Variants in HCRTR2 observed in about 807,000 individuals in gnomAD.
HCRTR2 encodes the protein hypocretin receptor 2.
Under a neutral mutation model 49.0 loss-of-function variants are expected in HCRTR2, and 22 were observed. The ratio of observed to expected loss-of-function variants is 0.45; its 90% CI spans 0.32 to 0.64. The LOEUF (loss-of-function observed/expected upper bound fraction) is 0.64. Among genes scored for constraint, HCRTR2 ranks in the 30% least tolerant of loss-of-function variants. The pLI, the probability that HCRTR2 is intolerant of heterozygous loss-of-function variation, is 0.04. For synonymous variants in HCRTR2, 236 were observed against 205.3 expected, an observed-to-expected ratio of 1.15 and a Z score of -1.28; for missense variants, 491 against 559.4, an observed-to-expected ratio of 0.88 and a Z score of 1.23.
At chr6:55,267,767 T>C (rs1267217967) in intron 4 of HCRTR2, among the ~76,000 whole-genome samples, 1 of 152,092 alleles carries the variant, frequency 6.6e-6, no homozygotes, top group Non-Finnish European at 1.5e-5. Context: ...TTCAGCACTC[T>C]TCTAAGGGAA....
intron 1 of HCRTR2, among the ~76,000 whole-genome samples, chr6:55,157,813 A>G (rs895253361): frequency 6.6e-6 from 1 of 152,232 alleles, no homozygotes; most frequent in Non-Finnish European, 1.5e-5. Context: ...ATTAGTTTTC[A>G]GGTTTCCCCA....
chr6:55,193,420 G>T (rs151084374), intron 1 of HCRTR2, among the ~76,000 whole-genome samples: 7 of 152,244 alleles, frequency 4.6e-5, no homozygotes, highest in African/African-American at 1.7e-4. Flanking sequence ...CGACAGTGTT[G>T]CAGAGGCAGG....
chr6:55,188,943 G>T lies in HCRTR2; in HGVS notation c.223+14133G>T, dbSNP rs533601058. Among the ~76,000 whole-genome samples, 9 of 152,250 alleles carry T rather than the reference G, an allele frequency of 5.9e-5. 1 individual carries two copies. The South Asian group carries it at 1.7e-3, about 28-fold the overall frequency. ...AAGAATGAAAAATTCCACCTACATT[G>T]GTGAAGTACTAAGATTAAATGCATG... On this transcript the variant is annotated intron_variant, in intron 1 of 6. Transcript: ENST00000370862.
chr6:55,233,154 T>C (rs1446813170), intron 1 of HCRTR2, among the ~76,000 whole-genome samples: 1 of 151,530 alleles, frequency 6.6e-6, no homozygotes, highest in African/African-American at 2.4e-5. Flanking sequence ...AATGGTGCAA[T>C]CTCAGCTCAC....
At chr6:55,176,899 T>C (rs1317464499) in intron 1 of HCRTR2, among the ~76,000 whole-genome samples, 1 of 152,148 alleles carries the variant, frequency 6.6e-6, no homozygotes, top group Non-Finnish European at 1.5e-5. Flanking sequence ...GAAGCAGTAA[T>C]TTTTTTATGA....
chr6:55,201,086 C>T (rs1765505714), intron 1 of HCRTR2, among the ~76,000 whole-genome samples: 4 of 152,002 alleles, frequency 2.6e-5, no homozygotes, highest in Admixed American at 2.6e-4. Context: ...TTAAGGTAGA[C>T]CTGTTTGGTA....
chr6:55,203,995 G>A (rs1231552890), intron 1 of HCRTR2, among the ~76,000 whole-genome samples: 1 of 152,038 alleles, frequency 6.6e-6, no homozygotes, highest in African/African-American at 2.4e-5. Context: ...TTGTCTCTAA[G>A]GGTGTATATC....
At chr6:55,168,356 T>G (rs959008384) in intron 1 of HCRTR2, among the ~76,000 whole-genome samples, 2 of 152,160 alleles carry the variant, frequency 1.3e-5, no homozygotes, top group Non-Finnish European at 2.9e-5. Flanking sequence ...TGTTAAGAAT[T>G]AAAACTATCA....
intron 1 of HCRTR2, among the ~76,000 whole-genome samples, chr6:55,217,955 G>C (rs1204776179): frequency 6.6e-6 from 1 of 152,198 alleles, no homozygotes; most frequent in African/African-American, 2.4e-5. Flanking sequence ...AAGGGGATTT[G>C]TTAGGGAAAT....
chr6:55,187,411 C>CAAAAAAAAAAA (rs57619664), intron 1 of HCRTR2, among the ~76,000 whole-genome samples: 4 of 98,426 alleles, frequency 4.1e-5, no homozygotes, highest in Non-Finnish European at 8.1e-5. Context: ...GACTCCGTCT[C>CAAAAAAAAAAA]AAAAAAAAAA....
intron 1 of HCRTR2, among the ~76,000 whole-genome samples, chr6:55,114,705 TA>T (rs1383460323): frequency 6.6e-6 from 1 of 151,824 alleles, no homozygotes; most frequent in African/African-American, 2.4e-5. Context: ...ATGATGAGTA[TA>T]AAGTGCTGAT....
At chr6:55,229,362 T>C (rs185626757) in intron 1 of HCRTR2, among the ~76,000 whole-genome samples, 2 of 152,272 alleles carry the variant, frequency 1.3e-5, no homozygotes, top group African/African-American at 4.8e-5. Context: ...AAATCAAAAA[T>C]AGAATCACCA....
At chr6:55,210,170 T>C (rs1765672436) in intron 1 of HCRTR2, among the ~76,000 whole-genome samples, 1 of 152,190 alleles carries the variant, frequency 6.6e-6, no homozygotes, top group Non-Finnish European at 1.5e-5. Context: ...AAAAGGATTA[T>C]TAGAAATGTG....
At chr6:55,279,892 A>G (rs1767155326) in intron 5 of HCRTR2, among the ~76,000 whole-genome samples, 1 of 152,058 alleles carries the variant, frequency 6.6e-6, no homozygotes, top group Non-Finnish European at 1.5e-5. Context: ...AAGGCATATG[A>G]TACTTTGATC....
At chr6:55,206,739 T>C (rs1484480910) in intron 1 of HCRTR2, among the ~76,000 whole-genome samples, 3 of 152,044 alleles carry the variant, frequency 2.0e-5, no homozygotes, top group Admixed American at 6.6e-5. Flanking sequence ...GTGTCCTATA[T>C]GCAGAAATAT....
chr6:55,133,894 C>T (rs940888956), intron 1 of HCRTR2, among the ~76,000 whole-genome samples: 1 of 151,670 alleles, frequency 6.6e-6, no homozygotes, highest in Non-Finnish European at 1.5e-5. Context: ...CATTCTATTG[C>T]CATAACATAG....
At position 55,174,542 on chromosome 6, in the gene HCRTR2, C is replaced by G. The variant is rs759679538; in HGVS notation, c.-46C>G. ...AAATCACCAGTGCTCATGGGGCAGG[C>G]GGAGAGGAGCTTGCAGCATTGAGCG... On this transcript the variant is annotated 5_prime_UTR_variant, in exon 1 of 7. Transcript: ENST00000370862. The G allele has an allele frequency of 1.3e-6, 2 of 1,484,068 alleles. No individual in the cohort carries two copies. The highest frequency in any genetic ancestry group is 2.3e-5 in the South Asian group (2 of 88,406). 91.9% of individuals were successfully genotyped at this position (1,484,068 alleles called of 1,614,324 possible). A position where few individuals can be genotyped will look rare whatever the true frequency, so the allele number is the denominator to read the frequency against.
At chr6:55,183,165 G>T (rs946056885) in intron 1 of HCRTR2, among the ~76,000 whole-genome samples, 1 of 152,150 alleles carries the variant, frequency 6.6e-6, no homozygotes, top group Non-Finnish European at 1.5e-5. Context: ...TTAAAATAAC[G>T]TGGTAAGTGC....
At chr6:55,129,532 T>C (rs1336919468) in intron 1 of HCRTR2, among the ~76,000 whole-genome samples, 1 of 152,104 alleles carries the variant, frequency 6.6e-6, no homozygotes, top group East Asian at 1.9e-4. Context: ...GCAGTATTAG[T>C]CATAAAAACT....
Sources: allele counts gnomAD v4.1 joint callset (sites outside exome capture counted in the v4.1 genomes callset), GRCh38; gene constraint gnomAD v4.1.1; transcripts MANE v1.5; gene names NCBI Gene and HGNC (gene_info 2026-07-23, HGNC 2026-07-21).